Variants in ANKIB1 observed in about 807,000 individuals in gnomAD.
ANKIB1 encodes ankyrin repeat and IBR domain containing 1.
Under a neutral mutation model 122.1 loss-of-function variants are expected in ANKIB1, and 43 were observed. The ratio of observed to expected loss-of-function variants is 0.35; its 90% CI spans 0.28 to 0.45. ANKIB1 has a LOEUF of 0.45. ANKIB1 is among the 20% of genes least tolerant of loss of function. The pLI, the probability that ANKIB1 is intolerant of heterozygous loss-of-function variation, is 1.00. For missense variants in ANKIB1, 992 were observed against 1,329.5 expected (o/e 0.75, Z 3.95); for synonymous variants, 390 against 442.0 (o/e 0.88, Z 1.48).
At chr7:92,392,341 C>G (rs772781495) in intron 17 of ANKIB1, 49 bp downstream of exon 17, 1 of 1,510,212 alleles carries the variant, frequency 6.6e-7, no homozygotes, top group Non-Finnish European at 9.1e-7. Context: ...TTAGTGCAGT[C>G]GTGCTTGCAT....
At chr7:92,382,432 A>G (rs2115680238) in intron 11 of ANKIB1, among the ~76,000 whole-genome samples, 1 of 152,352 alleles carries the variant, frequency 6.6e-6, no homozygotes, top group South Asian at 2.1e-4. Context: ...TCAACAGAAT[A>G]TACATTCTTC....
chr7:92,314,047 C>T (rs544573808), intron 3 of ANKIB1, among the ~76,000 whole-genome samples: 1 of 152,194 alleles, frequency 6.6e-6, no homozygotes, highest in African/African-American at 2.4e-5. Flanking sequence ...CCTGTAATCC[C>T]ACTACTTTGG....
chr7:92,268,538 C>T (rs1013815772), intron 1 of ANKIB1, among the ~76,000 whole-genome samples: 6 of 152,266 alleles, frequency 3.9e-5, no homozygotes, highest in African/African-American at 7.2e-5. Flanking sequence ...AGTGCAGTGG[C>T]GCAATCTTGG....
In ANKIB1 at chr7:92,246,253, T is replaced by G. The variant is rs765629112; in HGVS notation, c.-357T>G. The G allele has an allele frequency of 5.2e-6, 2 of 386,984 alleles. No individual in the cohort carries two copies. Among genetic ancestry groups the G allele is most frequent in the South Asian group, 3.6e-5 (2 of 55,742 alleles). 24.0% of individuals were successfully genotyped at this position (386,984 alleles called of 1,614,324 possible). A position where few individuals can be genotyped will look rare whatever the true frequency, so the allele number is the denominator to read the frequency against. On this transcript the variant is annotated 5_prime_UTR_variant, in exon 1 of 20. An upstream start codon of the reference 5' UTR is lost. Coordinates refer to ENST00000265742, the MANE Select transcript of ANKIB1 (RefSeq NM_019004.2). ...AGGCGGCGCAGCGGCCGGAGAGGGA[T>G]GGGGGGCGCCCACCCAGTCTGAGCC...
At chr7:92,396,127 G>T in intron 17 of ANKIB1, 1 of 503,354 alleles carries the variant, frequency 2.0e-6, no homozygotes, top group East Asian at 3.8e-5. Flanking sequence ...GTAGCACTGG[G>T]GCTTGCAAGT....
intron 1 of ANKIB1, among the ~76,000 whole-genome samples, chr7:92,254,289 T>G (rs1801390102): frequency 6.6e-6 from 1 of 152,220 alleles, no homozygotes; most frequent in Admixed American, 6.5e-5. Context: ...GCAGTAGATA[T>G]CTGAAACCTT....
At position 92,295,187 on chromosome 7, in the gene ANKIB1, AT is replaced by A. The variant is rs747909988; in HGVS notation, c.188+23del. The A allele has an allele frequency of 4.0e-6, 6 of 1,504,278 alleles. No homozygotes were observed. The African/African-American group carries it at 8.3e-5, about 21-fold the overall frequency. The allele number at this position is 1,504,278 out of a possible 1,614,324, so 93.2% of individuals were successfully genotyped here. A position where few individuals can be genotyped will look rare whatever the true frequency, so the allele number is the denominator to read the frequency against. ...TTAGGGTAAGTATTACTATAAACTA[AT>A]TGGTATTAGGGTATTACCGTAAACT... is the stretch of plus-strand genomic sequence containing the variant. On this transcript the variant is annotated intron_variant, in intron 2 of 19. Coordinates refer to ENST00000265742, the MANE Select transcript of ANKIB1 (RefSeq NM_019004.2).
chr7:92,285,301 C>A (rs1230306032), intron 1 of ANKIB1, among the ~76,000 whole-genome samples: 2 of 152,218 alleles, frequency 1.3e-5, no homozygotes, highest in Non-Finnish European at 2.9e-5. Context: ...AGACGTGAGC[C>A]ACTGTGTCCA....
intron 7 of ANKIB1, among the ~76,000 whole-genome samples, chr7:92,347,765 A>T (rs1562788932): frequency 6.6e-6 from 1 of 152,172 alleles, no homozygotes. Context: ...TTAGTTGTTG[A>T]TTTAGGTAAT....
At chr7:92,318,221 A>C (rs1042943433) in intron 3 of ANKIB1, among the ~76,000 whole-genome samples, 1 of 152,204 alleles carries the variant, frequency 6.6e-6, no homozygotes, top group Non-Finnish European at 1.5e-5. Flanking sequence ...TGAATCCTAT[A>C]AAAGAATCCT....
chr7:92,260,540 C>T (rs987898297), intron 1 of ANKIB1, among the ~76,000 whole-genome samples: 3 of 151,984 alleles, frequency 2.0e-5, no homozygotes, highest in African/African-American at 7.2e-5. Flanking sequence ...ATTAGCTGGG[C>T]GTGGTGGTAC....
intron 2 of ANKIB1, among the ~76,000 whole-genome samples, chr7:92,298,391 A>T (rs1358535009): frequency 1.3e-5 from 2 of 152,006 alleles, no homozygotes; most frequent in Admixed American, 1.3e-4. Flanking sequence ...AAATGTATTT[A>T]AGTATTATTA....
chr7:92,371,749 A>G, intron 11 of ANKIB1, 142 bp downstream of exon 11: 3 of 956,266 alleles, frequency 3.1e-6, no homozygotes, highest in Non-Finnish European at 4.5e-6. Context: ...AGGTTGAGGC[A>G]GGAGGATCAC....
intron 11 of ANKIB1, among the ~76,000 whole-genome samples, chr7:92,380,073 A>G (rs1175059440): frequency 6.6e-6 from 1 of 152,180 alleles, no homozygotes; most frequent in Non-Finnish European, 1.5e-5. Context: ...GTCTTAGCAA[A>G]TGGCAACACC....
intron 3 of ANKIB1, among the ~76,000 whole-genome samples, chr7:92,317,072 G>C (rs932871873): frequency 6.6e-6 from 1 of 152,164 alleles, no homozygotes; most frequent in African/African-American, 2.4e-5. Flanking sequence ...AGTCTATTTT[G>C]TGTTTAGGTG....
At position 92,377,038 on chromosome 7, in the gene ANKIB1, C is replaced by T. The variant is rs537046325; in HGVS notation, c.1617+5431C>T. Among the ~76,000 whole-genome samples, 8 of 152,290 alleles carry T rather than the reference C, an allele frequency of 5.3e-5. No homozygotes were observed. In the East Asian group the frequency reaches 1.5e-3, roughly 29 times the overall value. ...TAGCACTTTTACTTTCCTTCAAGAA[C>T]TTTTCCTTTGCATTCCCAATTTGGC... On this transcript the variant is annotated intron_variant, in intron 11 of 19. Transcript: ENST00000265742.
intron 4 of ANKIB1, among the ~76,000 whole-genome samples, chr7:92,323,934 G>A (rs2131953864): frequency 6.6e-6 from 1 of 152,304 alleles, no homozygotes; most frequent in South Asian, 2.1e-4. Context: ...GCTGGACATT[G>A]CCTTAGCTGG....
rs138609846 is a variant in ANKIB1, at chr7:92,293,679, T to A, written c.-90-1210T>A. Among the ~76,000 whole-genome samples the A allele has an allele frequency of 1.5e-3, 224 of 152,362 alleles. 1 individual carries two copies. Among genetic ancestry groups the A allele is most frequent in the African/African-American group, 5.0e-3 (206 of 41,578 alleles). ...CATAAAAGCCTTTAATTATCTGTTCTTTTCAGGTTAAAGTGTAAGTTCCTT... is the reference window on the plus strand; with the variant it reads ...CATAAAAGCCTTTAATTATCTGTTCATTTCAGGTTAAAGTGTAAGTTCCTT... On this transcript the variant is annotated intron_variant, in intron 1 of 19. Coordinates refer to ENST00000265742, the MANE Select transcript of ANKIB1 (RefSeq NM_019004.2).
chr7:92,378,617 C>G (rs1419916628), intron 11 of ANKIB1, among the ~76,000 whole-genome samples: 1 of 151,948 alleles, frequency 6.6e-6, no homozygotes, highest in Non-Finnish European at 1.5e-5. Context: ...TAGAGTCACT[C>G]CCACTAAATT....
Sources: gnomAD v4.1 joint callset for allele counts (sites outside exome capture counted in the v4.1 genomes callset) on GRCh38, gnomAD v4.1.1 for gene constraint, MANE v1.5 for transcripts, NCBI Gene and HGNC (gene_info 2026-07-23, HGNC 2026-07-21) for gene names.